The following ANKHD1 variants were observed in gnomAD, a reference collection of about 807,000 sequenced individuals.
The protein encoded by ANKHD1 is ankyrin repeat and KH domain containing 1.
A neutral mutation model predicts 230.5 loss-of-function variants in ANKHD1; 31 were observed. The observed-to-expected ratio is 0.13, with a 90% CI of 0.10 to 0.18. The LOEUF (loss-of-function observed/expected upper bound fraction) is 0.18. ANKHD1 is among the 10% of genes least tolerant of loss of function. The pLI, the probability that ANKHD1 is intolerant of heterozygous loss-of-function variation, is 1.00. For synonymous variants in ANKHD1, 1,074 were observed against 1,117.6 expected, an observed-to-expected ratio of 0.96 and a Z score of 0.78; for missense variants, 2,256 against 3,071.3, an observed-to-expected ratio of 0.73 and a Z score of 6.27.
chr5:140,511,919 CTA>C lies in ANKHD1; in HGVS notation c.4105-907_4105-906del, dbSNP rs1752787670. Reference sequence around the variant, plus strand: ...TTTAGAACCTTGGTAGGAAGGGAAACTATGCAAGCTTGGTTACATTAAAATAG... The same window carrying C: ...TTTAGAACCTTGGTAGGAAGGGAAACTGCAAGCTTGGTTACATTAAAATAG... On this transcript the variant is annotated intron_variant, in intron 22 of 33. Transcript: ENST00000360839. 2.6e-5 allele frequency among the ~76,000 whole-genome samples: 4 copies of C among 152,164 alleles called. No individual in the cohort carries two copies. The South Asian group carries it at 8.3e-4, about 32-fold the overall frequency.
chr5:140,405,987 C>T (rs1770403927), intron 1 of ANKHD1, among the ~76,000 whole-genome samples: 1 of 151,914 alleles, frequency 6.6e-6, no homozygotes, highest in African/African-American at 2.4e-5. Flanking sequence ...CGCCTGTAAT[C>T]ACAGCACTTT....
intron 1 of ANKHD1, among the ~76,000 whole-genome samples, chr5:140,416,693 C>T (rs1771424540): frequency 1.3e-5 from 2 of 151,566 alleles, no homozygotes; most frequent in African/African-American, 2.4e-5. Context: ...CTATGTTGTC[C>T]AGGCTGGTCT....
At position 140,401,910 on chromosome 5, in the gene ANKHD1, T is replaced by C; in HGVS notation, c.-58T>C. ...CTTGCTGCTCTTCTCGTTCCCGAGA[T>C]CAGCGGCGGCGGTGACCGCGAGTGG... On this transcript the variant is annotated 5_prime_UTR_variant, in exon 1 of 34. Coordinates refer to ENST00000360839, the MANE Select transcript of ANKHD1 (RefSeq NM_017747.3). 1 of 1,515,062 alleles carries C rather than the reference T, an allele frequency of 6.6e-7. No homozygotes were observed. The allele number at this position is 1,515,062 out of a possible 1,614,324, so 93.9% of individuals were successfully genotyped here.
Position 140,538,709 on chromosome 5 carries a change from T to C in ANKHD1, c.7405-210T>C, listed in dbSNP as rs141221494. ...CCTGATGATTTCATATTGGATTTAG[T>C]TTCTTTCTCTCTCTTGTTTTTTGTT... On this transcript the variant is annotated intron_variant, in intron 32 of 33. Transcript: ENST00000360839. Among the ~76,000 whole-genome samples the C allele has an allele frequency of 8.3e-4, 127 of 152,356 alleles. 3 individuals are homozygous for C. The highest frequency in any genetic ancestry group is 1.5e-3 in the East Asian group (8 of 5,188).
intron 7 of ANKHD1, among the ~76,000 whole-genome samples, chr5:140,451,392 A>G (rs1275450816): frequency 6.6e-6 from 1 of 152,186 alleles, no homozygotes; most frequent in African/African-American, 2.4e-5. Flanking sequence ...TAAAACTGAA[A>G]TTTTAATGTG....
chr5:140,410,998 T>C (rs1770879060), intron 1 of ANKHD1, among the ~76,000 whole-genome samples: 1 of 152,210 alleles, frequency 6.6e-6, no homozygotes, highest in Non-Finnish European at 1.5e-5. Context: ...CATACTGTTA[T>C]TTTGCTTCAA....
chr5:140,488,980 A>G (rs1318915273), intron 14 of ANKHD1, among the ~76,000 whole-genome samples: 1 of 152,026 alleles, frequency 6.6e-6, no homozygotes, highest in African/African-American at 2.4e-5. Context: ...GCTTGAGCCC[A>G]GGAGTTCGAG....
At chr5:140,493,319 C>A (rs1375541113) in intron 14 of ANKHD1, among the ~76,000 whole-genome samples, 2 of 152,190 alleles carry the variant, frequency 1.3e-5, no homozygotes, top group Non-Finnish European at 2.9e-5. Flanking sequence ...CCCGTCTTGG[C>A]CTCCCAAAGT....
chr5:140,535,745 G>A lies in ANKHD1; in HGVS notation c.7027+207G>A, dbSNP rs1477080510. 4.3e-6 allele frequency: 3 copies of A among 689,812 alleles called. No individual in the cohort carries two copies. The Admixed American group carries it at 1.3e-4, about 29-fold the overall frequency. The allele number at this position is 689,812 out of a possible 1,614,324, so 42.7% of individuals were successfully genotyped here. ...TCTTTCAAGCCAAAAATGTTTTACA[G>A]TAGAACTTGGATCAAGAAAAGAGGT... On this transcript the variant is annotated intron_variant, in intron 30 of 33. Transcript: ENST00000360839.
In ANKHD1 at chr5:140,402,325, T is replaced by C. The variant is rs201494336; in HGVS notation, c.306+52T>C. The C allele has an allele frequency of 1.5e-4, 218 of 1,417,330 alleles. No homozygotes were observed. The African/African-American group carries it at 3.1e-3, about 20-fold the overall frequency. 87.8% of individuals were successfully genotyped at this position (1,417,330 alleles called of 1,614,324 possible). ...ACACATTGTGAGGCGTGAATTCTCT[T>C]TGGGTAGGCTCTGGGCCGGGGCCAT... On this transcript the variant is annotated intron_variant, in intron 1 of 33. Coordinates refer to ENST00000360839, the MANE Select transcript of ANKHD1 (RefSeq NM_017747.3).
Position 140,453,761 on chromosome 5 carries a change from G to A in ANKHD1, c.1242+4456G>A, listed in dbSNP as rs1774936673. 2.0e-5 allele frequency among the ~76,000 whole-genome samples: 3 copies of A among 152,164 alleles called. No homozygotes were observed. In the South Asian group the frequency reaches 6.2e-4, roughly 32 times the overall value. ...CTGGTACCAGCCACTGCAAAATCAT[G>A]CCAAATTGTAAAGACCATCAAGGCT... On this transcript the variant is annotated intron_variant, in intron 7 of 33. Coordinates refer to ENST00000360839, the MANE Select transcript of ANKHD1 (RefSeq NM_017747.3).
chr5:140,509,205 CTG>C (rs1450898671), intron 20 of ANKHD1, among the ~76,000 whole-genome samples: 5 of 152,060 alleles, frequency 3.3e-5, no homozygotes, highest in Non-Finnish European at 7.3e-5. Flanking sequence ...CTAGAGAAAT[CTG>C]TGTTATTTTG....
chr5:140,449,386 C>A, intron 7 of ANKHD1, 81 bp downstream of exon 7: 2 of 1,478,772 alleles, frequency 1.4e-6, no homozygotes, highest in Non-Finnish European at 1.8e-6. Flanking sequence ...TGATTAATTG[C>A]CAGTGCGGTG....
Position 140,485,138 on chromosome 5 carries a change from G to T in ANKHD1, c.1888G>T (p.Ala630Ser). Residue 630 changes from alanine (A) to serine (S), a missense_variant, in exon 12 of 34, where the codon GCT becomes TCT. By Grantham distance (99) the Ala-to-Ser change is moderately conservative. Transcript: ENST00000360839. This position sits in a 1 kb window ranked among gnomAD's most constrained non-coding sequence, Gnocchi z 4.8. ...LISKGANVNR[A>S]TANNDHTVVS... The stretch of plus-strand genomic sequence containing the variant: ...CTTCAAAGGTGCCAATGTTAACAGG[G>T]CTACAGCCAATAATGATCATACAGT... 3 of 1,611,606 alleles carry T rather than the reference G, an allele frequency of 1.9e-6. No individual in the cohort carries two copies. Among genetic ancestry groups the T allele is most frequent in the Non-Finnish European group, 2.5e-6 (3 of 1,177,998 alleles).
Position 140,526,327 on chromosome 5 carries a change from T to G in ANKHD1, c.4824T>G (p.Gly1608=). 6.2e-7 allele frequency: 1 copy of G among 1,614,158 alleles called. No homozygotes were observed. The highest frequency in any genetic ancestry group is 8.5e-7 in the Non-Finnish European group (1 of 1,180,024). ...STDCNSESSS[G]GKSQELNFVM... ...ACTGCAACAGTGAGAGTAGCAGTGGTGGTAAAAGCCAAGAGTTAAATTTTG... is the reference window on the plus strand; with the variant it reads ...ACTGCAACAGTGAGAGTAGCAGTGGGGGTAAAAGCCAAGAGTTAAATTTTG... Residue 1608 remains glycine, a synonymous_variant, in exon 26 of 34, where the codon GGT becomes GGG. Coordinates refer to ENST00000360839, the MANE Select transcript of ANKHD1 (RefSeq NM_017747.3).
chr5:140,414,007 C>T (rs1771150871), intron 1 of ANKHD1, among the ~76,000 whole-genome samples: 1 of 152,082 alleles, frequency 6.6e-6, no homozygotes, highest in African/African-American at 2.4e-5. Flanking sequence ...TCTCAAACTC[C>T]TGACCTCATG....
Position 140,485,176 on chromosome 5 carries a change from A to T in ANKHD1, c.1926A>T (p.Ala642=). 1 of 1,613,954 alleles carries T rather than the reference A, an allele frequency of 6.2e-7. No homozygotes were observed. Among genetic ancestry groups the T allele is most frequent in the Non-Finnish European group, 8.5e-7 (1 of 1,179,894 alleles). ...ANNDHTVVSL[A]CAGGHLAVVE... is the part of the protein sequence containing the mutation. ...ATGATCATACAGTAGTGTCGCTGGC[A>T]TGTGCAGGAGGCCACCTGGCAGTTG... is the stretch of plus-strand genomic sequence containing the variant. Residue 642 remains alanine (A), a synonymous_variant, in exon 12 of 34, where the codon GCA becomes GCT. Transcript: ENST00000360839. The surrounding 1 kb of genome is among the most constrained non-coding windows in gnomAD (Gnocchi z 4.8).
intron 10 of ANKHD1, among the ~76,000 whole-genome samples, chr5:140,468,299 G>A (rs1007378751): frequency 2.6e-5 from 4 of 151,338 alleles, no homozygotes; most frequent in East Asian, 1.9e-4. Context: ...AAACAAAAAC[G>A]TAGTTTATCA....
intron 10 of ANKHD1, among the ~76,000 whole-genome samples, chr5:140,467,663 C>T (rs145606168): frequency 1.2e-3 from 184 of 152,010 alleles, no homozygotes; most frequent in African/African-American, 4.3e-3. Context: ...TATTTAAAAC[C>T]TATGAATATT....
Sources: gnomAD v4.1 joint callset for allele counts (sites outside exome capture counted in the v4.1 genomes callset) on GRCh38, gnomAD v4.1.1 for gene constraint, Gnocchi (gnomAD v3.1) non-coding constraint, MANE v1.5 for transcripts, NCBI Gene and HGNC (gene_info 2026-07-23, HGNC 2026-07-21) for gene names.